The following KCTD19 variants were observed in gnomAD, a reference collection of about 807,000 sequenced individuals.
KCTD19 encodes the protein potassium channel tetramerization domain containing 19, also known as BTB/POZ domain-containing protein KCTD19.
In KCTD19, 67 loss-of-function variants were observed where a neutral mutation model predicts 103.5. The ratio of observed to expected loss-of-function variants is 0.65; its 90% CI spans 0.53 to 0.79. KCTD19 has a LOEUF of 0.79. Ranked by LOEUF, KCTD19 falls within the 30% of genes least tolerant of loss-of-function variation. The pLI, the probability that KCTD19 is intolerant of heterozygous loss-of-function variation, is 0.00. For missense variants in KCTD19, 980 were observed against 1,136.1 expected (o/e 0.86, Z 1.98); for synonymous variants, 439 against 452.2 (o/e 0.97, Z 0.37).
chr16:67,311,739 G>A (rs1236759467), intron 2 of KCTD19, among the ~76,000 whole-genome samples: 1 of 152,076 alleles, frequency 6.6e-6, no homozygotes, highest in Non-Finnish European at 1.5e-5. Flanking sequence ...GTGTGTGCAT[G>A]TGTATGTGGC....
intron 8 of KCTD19, chr16:67,295,913 T>G: frequency 2.3e-6 from 1 of 444,386 alleles, no homozygotes; most frequent in Non-Finnish European, 4.2e-6. Context: ...CCCAGCTAAT[T>G]TTTGTATTTT....
At chr16:67,311,764 G>A (rs1176633797) in intron 2 of KCTD19, among the ~76,000 whole-genome samples, 1 of 151,948 alleles carries the variant, frequency 6.6e-6, no homozygotes, top group African/African-American at 2.4e-5. Context: ...CCTGCATGTA[G>A]GTGTGTGTCT....
In KCTD19 at chr16:67,293,718, TG is replaced by T; in HGVS notation, c.2043del (p.Ser681ArgfsTer48). On this transcript the variant is annotated frameshift_variant, in exon 12 of 16. Coordinates refer to ENST00000304372, the MANE Select transcript of KCTD19 (RefSeq NM_001100915.3). LOFTEE classifies it high-confidence loss of function. The surrounding 1 kb of genome is among the most constrained non-coding windows in gnomAD (Gnocchi z 4.0). ...GAATGGGCTTTCCAGGCAGCTGAGGTGCTGGGCTGGGAAGCAGCCTCGCTTC... is the reference window on the plus strand; with the variant it reads ...GAATGGGCTTTCCAGGCAGCTGAGGTCTGGGCTGGGAAGCAGCCTCGCTTC... ...PLGSEAASQP[S>X]TSAAWKAHST... is the part of the protein sequence containing the mutation. 1 of 1,613,952 alleles carries T rather than the reference TG, an allele frequency of 6.2e-7. No homozygotes were observed. The highest frequency in any genetic ancestry group is 8.5e-7 in the Non-Finnish European group (1 of 1,179,988).
chr16:67,299,171 C>A (rs1435045814), intron 6 of KCTD19, among the ~76,000 whole-genome samples, 192 bp downstream of exon 6: 1 of 152,266 alleles, frequency 6.6e-6, no homozygotes, highest in African/African-American at 2.4e-5. Flanking sequence ...TGTACCTTGG[C>A]ACTAGCCCTC....
At chr16:67,322,934 G>A (rs1032737409) in intron 1 of KCTD19, among the ~76,000 whole-genome samples, 4 of 152,048 alleles carry the variant, frequency 2.6e-5, no homozygotes, top group African/African-American at 9.7e-5. Flanking sequence ...ATATACAAAT[G>A]ACCAACAGAA....
rs1214082098 is a variant in KCTD19 at position 67,295,285 on chromosome 16, G to A, written c.1369C>T (p.Leu457=). The A allele has an allele frequency of 6.2e-7, 1 of 1,614,116 alleles. No homozygotes were observed. Among genetic ancestry groups the A allele is most frequent in the Non-Finnish European group, 8.5e-7 (1 of 1,180,050 alleles). ...TACTTAAATTCAGATGGTAAAAACA[G>A]TTTGCCAAGTCTCAGGAAGTTGAGA... is the stretch of plus-strand genomic sequence containing the variant. ...HILNFLRLGK[L]FLPSEFKEWP... The change falls in exon 9 of 16, where the codon CTG becomes TTG. Residue 457 remains leucine, a synonymous_variant. Transcript: ENST00000304372.
chr16:67,297,988 CT>C (rs369980197), intron 6 of KCTD19, among the ~76,000 whole-genome samples: 4,083 of 134,776 alleles, frequency 0.03, 71 homozygotes, highest in Middle Eastern at 0.038. Context: ...GACGGGGTTT[CT>C]TTTTTTTTTT....
At chr16:67,318,623 G>A (rs997250408) in intron 2 of KCTD19, among the ~76,000 whole-genome samples, 7 of 151,540 alleles carry the variant, frequency 4.6e-5, no homozygotes, top group Non-Finnish European at 1.0e-4. Context: ...GGGAAGTGAG[G>A]ACAGCAAAGG....
chr16:67,310,789 G>A (rs1334267364), intron 2 of KCTD19, among the ~76,000 whole-genome samples: 1 of 152,208 alleles, frequency 6.6e-6, no homozygotes, highest in Non-Finnish European at 1.5e-5. Flanking sequence ...ATGCTCTGAT[G>A]TAGGCTGTTG....
chr16:67,306,859 G>A (rs1175740417), intron 2 of KCTD19, among the ~76,000 whole-genome samples: 1 of 152,088 alleles, frequency 6.6e-6, no homozygotes, highest in East Asian at 1.9e-4. Flanking sequence ...ATTACCCATG[G>A]ACTTTTAAAC....
chr16:67,296,870 A>G (rs1445100650), intron 7 of KCTD19, among the ~76,000 whole-genome samples: 4 of 152,212 alleles, frequency 2.6e-5, no homozygotes, highest in African/African-American at 7.2e-5. Context: ...GATAAGATGT[A>G]TAGAACTAGA....
chr16:67,291,592 G>GCT, intron 13 of KCTD19, 54 bp downstream of exon 13: 2 of 1,580,862 alleles, frequency 1.3e-6, no homozygotes, highest in Non-Finnish European at 1.7e-6. Flanking sequence ...CTGGGAGGGG[G>GCT]CTCAGGCATC....
chr16:67,296,520 C>G (rs1211583659), intron 7 of KCTD19, among the ~76,000 whole-genome samples: 1 of 152,156 alleles, frequency 6.6e-6, no homozygotes, highest in Non-Finnish European at 1.5e-5. Flanking sequence ...ATGACCCTGT[C>G]CACCTACAAT....
At chr16:67,325,387 T>TTTATG (rs2037136606) in intron 1 of KCTD19, among the ~76,000 whole-genome samples, 1 of 150,776 alleles carries the variant, frequency 6.6e-6, no homozygotes. Flanking sequence ...TTTATTTTAT[T>TTTATG]TTATTTTATT....
rs1270685614 is a variant in KCTD19, at chr16:67,290,894, G to C, written c.2658C>G (p.Ser886Arg). The change falls in exon 15 of 16, where the codon AGC (serine) becomes AGG (arginine). Residue 886 changes from serine to arginine, a missense_variant. Coordinates refer to ENST00000304372, the MANE Select transcript of KCTD19 (RefSeq NM_001100915.3). ...DDRHTQERLYSWVELTLPFAR... is the reference protein window; with the variant it reads ...DDRHTQERLYRWVELTLPFAR... Reference sequence around the variant, plus strand: ...TGCAAGTGGCCCTCACCTCCACCCAGCTGTACAGGCGCTCCTGGGTGTGCC... The same window carrying C: ...TGCAAGTGGCCCTCACCTCCACCCACCTGTACAGGCGCTCCTGGGTGTGCC... 1 of 1,613,004 alleles carries C rather than the reference G, an allele frequency of 6.2e-7. No homozygotes were observed.
chr16:67,310,428 A>G (rs1279323189), intron 2 of KCTD19, among the ~76,000 whole-genome samples: 1 of 152,206 alleles, frequency 6.6e-6, no homozygotes, highest in African/African-American at 2.4e-5. Context: ...GGTCTTCTAC[A>G]GGCTGACTTC....
chr16:67,319,236 A>G (rs1038316418), intron 2 of KCTD19, among the ~76,000 whole-genome samples: 1 of 152,188 alleles, frequency 6.6e-6, no homozygotes, highest in Non-Finnish European at 1.5e-5. Flanking sequence ...AGAAAAAAAA[A>G]AAAAAGAAAA....
At chr16:67,299,641 C>A in intron 5 of KCTD19, 68 bp from the exon 6 acceptor site, 1 of 1,376,476 alleles carries the variant, frequency 7.3e-7, no homozygotes, top group African/African-American at 1.4e-5. Context: ...GGCTTTGGGG[C>A]TCGGTTCCTA....
chr16:67,311,428 A>G (rs1012190034), intron 2 of KCTD19, among the ~76,000 whole-genome samples: 1 of 151,794 alleles, frequency 6.6e-6, no homozygotes, highest in Non-Finnish European at 1.5e-5. Flanking sequence ...TCAGCCTCCT[A>G]AATAGCTGGG....
Sources: gnomAD v4.1 joint callset for allele counts (sites outside exome capture counted in the v4.1 genomes callset) on GRCh38, gnomAD v4.1.1 for gene constraint, Gnocchi (gnomAD v3.1) non-coding constraint, MANE v1.5 for transcripts, NCBI Gene and HGNC (gene_info 2026-07-23, HGNC 2026-07-21) for gene names.